The following SGCD variants were observed in gnomAD, a reference collection of about 807,000 sequenced individuals.
The protein encoded by SGCD is delta-sarcoglycan.
In SGCD, 18 loss-of-function variants were observed where a neutral mutation model predicts 36.6. That is an observed-to-expected ratio of 0.49 (90% CI 0.34 to 0.73). The LOEUF (loss-of-function observed/expected upper bound fraction) is 0.73, where lower values mean the gene tolerates loss of function less well. Ranked by LOEUF, SGCD falls within the 30% of genes least tolerant of loss-of-function variation. The probability of loss-of-function intolerance (pLI) is 0.01; values close to 1 mark genes in which losing one functional copy is unlikely to be tolerated. For missense variants in SGCD, 387 were observed against 346.7 expected, an observed-to-expected ratio of 1.12 and a Z score of -0.92; for synonymous variants, 133 against 130.6, an observed-to-expected ratio of 1.02 and a Z score of -0.12.
chr5:156,349,505 T>G lies in SGCD; in HGVS notation c.192+4828T>G, dbSNP rs1289501302. On this transcript the variant is annotated intron_variant, in intron 3 of 8. Transcript: ENST00000337851. ...AGAAACATAAAAAAAGTACAACAGA[T>G]CTAATCATTAGAGAAATGCAAATTA... 4.0e-5 allele frequency among the ~76,000 whole-genome samples: 6 copies of G among 151,712 alleles called. No individual in the cohort carries two copies. In the East Asian group the frequency reaches 1.2e-3, roughly 29 times the overall value.
intron 7 of SGCD, among the ~76,000 whole-genome samples, chr5:156,694,679 A>G (rs972323242): frequency 2.6e-5 from 4 of 152,200 alleles, no homozygotes; most frequent in African/African-American, 4.8e-5. Flanking sequence ...TTAAAACATC[A>G]TTCTCCAAGA....
chr5:155,917,806 T>G (rs887816796), intron 1 of SGCD, among the ~76,000 whole-genome samples: 2 of 152,032 alleles, frequency 1.3e-5, no homozygotes, highest in African/African-American at 4.8e-5. Context: ...AGGAGTTCTA[T>G]TTCTTTTTTT....
upstream of SGCD, among the ~76,000 whole-genome samples, chr5:156,322,631 G>T (rs1767702267): frequency 6.6e-6 from 1 of 152,158 alleles, no homozygotes; most frequent in South Asian, 2.1e-4. Flanking sequence ...ACATTTAAAG[G>T]CTGAATAAGA....
intron 1 of SGCD, among the ~76,000 whole-genome samples, chr5:155,973,837 C>G (rs977147058): frequency 3.9e-5 from 6 of 152,158 alleles, no homozygotes; most frequent in African/African-American, 1.4e-4. Flanking sequence ...AAAAATCACT[C>G]ATTTTGTCAT....
intron 3 of SGCD, among the ~76,000 whole-genome samples, chr5:156,152,224 G>A (rs896559034): frequency 4.6e-5 from 7 of 151,110 alleles, no homozygotes; most frequent in African/African-American, 7.4e-5. Context: ...GACTTTCCTC[G>A]ATTTGTTTCT....
the SGCD span, among the ~76,000 whole-genome samples, chr5:155,841,507 A>G: frequency 6.6e-6 from 1 of 152,194 alleles, no homozygotes; most frequent in African/African-American, 2.4e-5. Flanking sequence ...TCAAATGTTT[A>G]AAGTCCATTT....
chr5:156,443,076 C>A (rs1209454758), intron 3 of SGCD, among the ~76,000 whole-genome samples: 1 of 152,078 alleles, frequency 6.6e-6, no homozygotes. Flanking sequence ...CCTCTGCCTC[C>A]TAGGTTTAGG....
intron 3 of SGCD, among the ~76,000 whole-genome samples, chr5:156,208,454 A>G (rs1227262158): frequency 2.6e-5 from 4 of 152,208 alleles, no homozygotes; most frequent in African/African-American, 7.2e-5. Context: ...GTTTGTAAGA[A>G]TAATTAGAAG....
intron 1 of SGCD, among the ~76,000 whole-genome samples, chr5:156,038,896 G>T (rs1318101641): frequency 6.6e-6 from 1 of 152,042 alleles, no homozygotes; most frequent in African/African-American, 2.4e-5. Flanking sequence ...TATATATTAG[G>T]TAAAAGGCAA....
chr5:156,151,309 A>G (rs1473955028), intron 3 of SGCD, among the ~76,000 whole-genome samples: 1 of 151,630 alleles, frequency 6.6e-6, no homozygotes, highest in African/African-American at 2.4e-5. Context: ...TTCTTTTTGG[A>G]TGTGTGGCAC....
chr5:156,068,897 GT>G (rs1760435382), intron 1 of SGCD, among the ~76,000 whole-genome samples: 3 of 151,970 alleles, frequency 2.0e-5, no homozygotes, highest in Non-Finnish European at 4.4e-5. Context: ...TTTTTCATGT[GT>G]TTTTTGGCTG....
intron 1 of SGCD, among the ~76,000 whole-genome samples, chr5:156,107,965 T>C (rs1761689737): frequency 6.6e-6 from 1 of 152,116 alleles, no homozygotes; most frequent in African/African-American, 2.4e-5. Context: ...AACAGAAATA[T>C]GTGAAATACA....
intron 2 of SGCD, among the ~76,000 whole-genome samples, chr5:156,338,153 A>C (rs1768455457): frequency 8.8e-6 from 1 of 113,758 alleles, no homozygotes; most frequent in South Asian, 3.6e-4. Context: ...GTTTTTAGGA[A>C]GTTCACTGGG....
chr5:156,014,777 A>G (rs1758930511), intron 1 of SGCD, among the ~76,000 whole-genome samples: 1 of 152,208 alleles, frequency 6.6e-6, no homozygotes, highest in African/African-American at 2.4e-5. Flanking sequence ...TTAGTTTAGA[A>G]CAGCCCTCAA....
At chr5:155,857,014 A>G in the SGCD span, among the ~76,000 whole-genome samples, 10 of 152,110 alleles carry the variant, frequency 6.6e-5, no homozygotes, top group Non-Finnish European at 1.0e-4. Flanking sequence ...CGGGTGGATT[A>G]CTTGGGGTCC....
At chr5:156,342,767 C>G (rs1183880434) in intron 2 of SGCD, among the ~76,000 whole-genome samples, 1 of 152,222 alleles carries the variant, frequency 6.6e-6, no homozygotes, top group Non-Finnish European at 1.5e-5. Flanking sequence ...AGTATACAAA[C>G]AAGAACTTGC....
chr5:156,623,962 T>TA (rs1314431347), intron 6 of SGCD, among the ~76,000 whole-genome samples: 2 of 152,312 alleles, frequency 1.3e-5, no homozygotes, highest in South Asian at 2.1e-4. Context: ...ACTCTGAAGA[T>TA]ACATCTCTCT....
At chr5:156,174,113 C>T (rs1008544656) in intron 3 of SGCD, among the ~76,000 whole-genome samples, 43 of 152,084 alleles carry the variant, frequency 2.8e-4, no homozygotes, top group Admixed American at 1.8e-3. Flanking sequence ...TGCTGGCTGC[C>T]GCATTCATGG....
intron 7 of SGCD, among the ~76,000 whole-genome samples, chr5:156,682,526 CAA>C (rs767717013): frequency 1.1e-3 from 175 of 152,266 alleles, no homozygotes; most frequent in Non-Finnish European, 1.9e-3. Flanking sequence ...TGTATAAATG[CAA>C]AAGTCTGTTC....
Sources: allele counts gnomAD v4.1 joint callset (sites outside exome capture counted in the v4.1 genomes callset), GRCh38; gene constraint gnomAD v4.1.1; transcripts MANE v1.5; gene names NCBI Gene and HGNC (gene_info 2026-07-23, HGNC 2026-07-21).